Variants in SLC24A3 observed in about 807,000 individuals in gnomAD.
SLC24A3 encodes sodium/potassium/calcium exchanger 3.
In SLC24A3, 28 loss-of-function variants were observed where a neutral mutation model predicts 75.8. The ratio of observed to expected loss-of-function variants is 0.37; its 90% CI spans 0.27 to 0.51. The LOEUF (loss-of-function observed/expected upper bound fraction) is 0.51, where lower values mean the gene tolerates loss of function less well. Ranked by LOEUF, SLC24A3 falls within the 20% of genes least tolerant of loss-of-function variation. The pLI, the probability that SLC24A3 is intolerant of heterozygous loss-of-function variation, is 0.94. For missense variants in SLC24A3, 663 were observed against 847.8 expected (o/e 0.78, Z 2.71); for synonymous variants, 372 against 334.1 (o/e 1.11, Z -1.24).
chr20:19,569,423 C>T (rs1362862522), intron 3 of SLC24A3, among the ~76,000 whole-genome samples: 1 of 152,166 alleles, frequency 6.6e-6, no homozygotes, highest in Non-Finnish European at 1.5e-5. Context: ...TCCTTCCACT[C>T]CTGTGGCCCT....
intron 2 of SLC24A3, among the ~76,000 whole-genome samples, chr20:19,464,290 C>T (rs557548664): frequency 6.6e-6 from 1 of 152,366 alleles, no homozygotes; most frequent in South Asian, 2.1e-4. Context: ...CCTTGCCTTC[C>T]TCTGTGACTG....
chr20:19,632,716 T>C (rs1286143888), intron 6 of SLC24A3, among the ~76,000 whole-genome samples: 1 of 152,188 alleles, frequency 6.6e-6, no homozygotes, highest in Non-Finnish European at 1.5e-5. Flanking sequence ...ACACCACCAC[T>C]GAGCTCAGCA....
chr20:19,641,838 A>T (rs2032078265), intron 6 of SLC24A3, among the ~76,000 whole-genome samples: 1 of 152,184 alleles, frequency 6.6e-6, no homozygotes, highest in South Asian at 2.1e-4. Flanking sequence ...GCCTCCCTGA[A>T]AGAGTTTGAT....
At chr20:19,433,781 G>C (rs900085380) in intron 2 of SLC24A3, among the ~76,000 whole-genome samples, 2 of 152,228 alleles carry the variant, frequency 1.3e-5, no homozygotes, top group African/African-American at 2.4e-5. Flanking sequence ...ACTGATTACC[G>C]TCTCATCTTA....
chr20:19,424,324 A>G (rs568027882), intron 2 of SLC24A3, among the ~76,000 whole-genome samples: 141 of 152,312 alleles, frequency 9.3e-4, no homozygotes, highest in African/African-American at 3.2e-3. Context: ...CAGGTGCCAC[A>G]TTGGTCTTCT....
chr20:19,264,303 G>T (rs758348491), intron 1 of SLC24A3: 5 of 152,218 alleles, frequency 3.3e-5, no homozygotes, highest in African/African-American at 9.7e-5. Context: ...ACAGACCCTC[G>T]GCTCTCCTCT....
intron 2 of SLC24A3, among the ~76,000 whole-genome samples, chr20:19,392,050 C>T (rs1357327490): frequency 6.6e-6 from 1 of 152,140 alleles, no homozygotes; most frequent in Non-Finnish European, 1.5e-5. Flanking sequence ...TAGAGTCCTG[C>T]TGTTTGCCTA....
chr20:19,491,070 A>G (rs1218372895), intron 2 of SLC24A3, among the ~76,000 whole-genome samples: 1 of 152,208 alleles, frequency 6.6e-6, no homozygotes, highest in East Asian at 1.9e-4. Context: ...TCACCCAGTT[A>G]TGGCAACAAC....
intron 6 of SLC24A3, among the ~76,000 whole-genome samples, chr20:19,599,915 A>T (rs898507794): frequency 2.0e-5 from 3 of 152,080 alleles, no homozygotes; most frequent in African/African-American, 7.2e-5. Context: ...CAGCCAGGAG[A>T]TTCTTCTATG....
intron 2 of SLC24A3, among the ~76,000 whole-genome samples, chr20:19,328,340 G>A (rs1299417011): frequency 6.6e-6 from 1 of 152,140 alleles, no homozygotes; most frequent in African/African-American, 2.4e-5. Flanking sequence ...CTTGCTTCCT[G>A]TGACCAGGCA....
intron 2 of SLC24A3, among the ~76,000 whole-genome samples, chr20:19,440,168 G>T (rs3790205): frequency 6.6e-6 from 1 of 152,108 alleles, no homozygotes; most frequent in Non-Finnish European, 1.5e-5. Flanking sequence ...AACTTATTTC[G>T]AAGCTCAGAG....
At chr20:19,684,126 C>G in intron 10 of SLC24A3, 50 bp from the exon 11 acceptor site, 1 of 1,584,582 alleles carries the variant, frequency 6.3e-7, no homozygotes, top group African/African-American at 1.3e-5. Context: ...ATGCCTCTTT[C>G]CTGCTCCTGG....
At chr20:19,519,356 G>A (rs571980102) in intron 3 of SLC24A3, among the ~76,000 whole-genome samples, 1 of 152,122 alleles carries the variant, frequency 6.6e-6, no homozygotes, top group Admixed American at 6.5e-5. Context: ...TCCCTGTTTT[G>A]TGTGTGCTTT....
intron 9 of SLC24A3, among the ~76,000 whole-genome samples, chr20:19,680,597 A>T (rs1280860925): frequency 6.6e-6 from 1 of 152,226 alleles, no homozygotes; most frequent in Non-Finnish European, 1.5e-5. Context: ...GTGTCTTATG[A>T]ACTACAAATG....
intron 3 of SLC24A3, among the ~76,000 whole-genome samples, chr20:19,575,405 G>A (rs2031119488): frequency 6.6e-6 from 1 of 152,070 alleles, no homozygotes; most frequent in Non-Finnish European, 1.5e-5. Flanking sequence ...ATAGAAGGGA[G>A]GCCAGATACA....
chr20:19,693,151 A>T, intron 12 of SLC24A3, 108 bp from the exon 13 acceptor site: 1 of 1,210,062 alleles, frequency 8.3e-7, no homozygotes, highest in Non-Finnish European at 1.1e-6. Context: ...AATAAGGTTT[A>T]ATTCTGGGGA....
chr20:19,490,486 A>G (rs935292367), intron 2 of SLC24A3, among the ~76,000 whole-genome samples: 2 of 152,204 alleles, frequency 1.3e-5, no homozygotes, highest in African/African-American at 4.8e-5. Context: ...TACCATGTGC[A>G]TCATTAACCA....
At chr20:19,448,589 G>T (rs911139028) in intron 2 of SLC24A3, among the ~76,000 whole-genome samples, 1 of 152,154 alleles carries the variant, frequency 6.6e-6, no homozygotes, top group Non-Finnish European at 1.5e-5. Flanking sequence ...AGTCAACATT[G>T]TATCCCAGTG....
At chr20:19,604,696 G>A (rs2031573268) in intron 6 of SLC24A3, among the ~76,000 whole-genome samples, 2 of 152,304 alleles carry the variant, frequency 1.3e-5, no homozygotes, top group African/African-American at 4.8e-5. Context: ...GACCTCAAGT[G>A]TGAGCCTCCG....
Sources: allele counts gnomAD v4.1 joint callset (sites outside exome capture counted in the v4.1 genomes callset), GRCh38; gene constraint gnomAD v4.1.1; transcripts MANE v1.5; gene names NCBI Gene and HGNC (gene_info 2026-07-23, HGNC 2026-07-21).